Variants in ERBB2 observed in about 807,000 individuals in gnomAD.
The protein encoded by ERBB2 is erb-b2 receptor tyrosine kinase 2, also known as receptor tyrosine-protein kinase erbB-2.
In ERBB2, 61 loss-of-function variants were observed where a neutral mutation model predicts 149.0. The ratio of observed to expected loss-of-function variants is 0.41; its 90% CI spans 0.33 to 0.51. The LOEUF (loss-of-function observed/expected upper bound fraction) is 0.51, where lower values mean the gene tolerates loss of function less well. Among genes scored for constraint, ERBB2 ranks in the 20% least tolerant of loss-of-function variants. ERBB2 has a pLI of 0.25. For missense variants in ERBB2, 1,205 were observed against 1,655.1 expected (o/e 0.73, Z 4.72); for synonymous variants, 633 against 678.8 (o/e 0.93, Z 1.05).
upstream of ERBB2, among the ~76,000 whole-genome samples, chr17:39,691,128 G>A (rs1379735412): frequency 1.3e-5 from 2 of 152,108 alleles, no homozygotes; most frequent in Non-Finnish European, 2.9e-5. Flanking sequence ...TACAATGTGG[G>A]TTCCTTATTC....
At chr17:39,692,522 C>T (rs937634662), upstream of ERBB2, among the ~76,000 whole-genome samples, 5 of 151,746 alleles carry the variant, frequency 3.3e-5, no homozygotes, top group Admixed American at 6.6e-5. Context: ...TCTGCTGCCT[C>T]AGCCTCCTGA....
chr17:39,725,011 C>G lies in ERBB2; in HGVS notation c.2494-38C>G, dbSNP rs781182654. On this transcript the variant is annotated intron_variant, in intron 20 of 26. Coordinates refer to ENST00000269571, the MANE Select transcript of ERBB2 (RefSeq NM_004448.4). The surrounding 1 kb of genome is among the most constrained non-coding windows in gnomAD (Gnocchi z 4.6). Reference sequence around the variant, plus strand: ...TGCTGGGCATGTGGCCAGGCCCAGGCCCTCCCAGAAGGTCTACATGGGTGC... The same window carrying G: ...TGCTGGGCATGTGGCCAGGCCCAGGGCCTCCCAGAAGGTCTACATGGGTGC... 6.2e-7 allele frequency: 1 copy of G among 1,612,194 alleles called. No individual in the cohort carries two copies. Among genetic ancestry groups the G allele is most frequent in the Non-Finnish European group, 8.5e-7 (1 of 1,178,654 alleles).
chr17:39,699,343 C>T (rs1355114876), upstream of ERBB2, among the ~76,000 whole-genome samples: 1 of 152,020 alleles, frequency 6.6e-6, no homozygotes. Context: ...TGCCTGTAAT[C>T]CCAGCTGCTC....
At position 39,723,436 on chromosome 17, in the gene ERBB2, G is replaced by C. The variant is rs2145806723; in HGVS notation, c.2064G>C (p.Arg688=). 1 of 1,614,220 alleles carries C rather than the reference G, an allele frequency of 6.2e-7. No individual in the cohort carries two copies. The highest frequency in any genetic ancestry group is 2.2e-5 in the East Asian group (1 of 44,880). The change falls in exon 17 of 27, where the codon CGG becomes CGC. Residue 688 remains arginine (R), a synonymous_variant. Coordinates refer to ENST00000269571, the MANE Select transcript of ERBB2 (RefSeq NM_004448.4). The surrounding 1 kb of genome is among the most constrained non-coding windows in gnomAD (Gnocchi z 6.2). ...RQQKIRKYTM[R]RLLQETELVE... The stretch of plus-strand genomic sequence containing the variant: ...AGAAGATCCGGAAGTACACGATGCG[G>C]AGACTGCTGCAGGAAACGGAGGTGA...
chr17:39,688,596 C>CTCA (rs1184077462), intron 1 of ERBB2: 1 of 152,530 alleles, frequency 6.6e-6, no homozygotes, highest in African/African-American at 2.4e-5. Context: ...ACTGGTCTCC[C>CTCA]TCACTCCCTT....
At chr17:39,694,829 G>A (rs1366015966), upstream of ERBB2, 3 of 152,338 alleles carry the variant, frequency 2.0e-5, no homozygotes, top group Non-Finnish European at 4.4e-5. Flanking sequence ...CGGGCAGGAA[G>A]ACTTAGTGCT....
chr17:39,723,521 C>T lies in ERBB2; in HGVS notation c.2086-17C>T. On this transcript the variant is annotated splice_polypyrimidine_tract_variant and intron_variant, in intron 17 of 26. Transcript: ENST00000269571. The surrounding 1 kb of genome is among the most constrained non-coding windows in gnomAD (Gnocchi z 6.2). ...TGCACCGGCCCCCGGCACTGACCCA[C>T]CACCCCCTCACCCCAGCTGGTGGAG... is the stretch of plus-strand genomic sequence containing the variant. 2 of 1,612,946 alleles carry T rather than the reference C, an allele frequency of 1.2e-6. No individual in the cohort carries two copies. Among genetic ancestry groups the T allele is most frequent in the Non-Finnish European group, 1.7e-6 (2 of 1,179,522 alleles).
In ERBB2 at chr17:39,728,432, CTG is replaced by C. The variant is rs2059895144; in HGVS notation, c.*390_*391del. On this transcript the variant is annotated 3_prime_UTR_variant, in exon 27 of 27. Transcript: ENST00000269571. ...AGAACAAAAGCGACCCATTCAGAGA[CTG>C]TCCCTGAAACCTAGTACTGCCCCCC... 1 of 264,184 alleles carries C rather than the reference CTG, an allele frequency of 3.8e-6. No homozygotes were observed. The highest frequency in any genetic ancestry group is 7.2e-6 in the Non-Finnish European group (1 of 138,916). The allele number at this position is 264,184 out of a possible 1,614,324, so 16.4% of individuals were successfully genotyped here.
chr17:39,697,747 G>A (rs1239858570), upstream of ERBB2, among the ~76,000 whole-genome samples: 2 of 151,884 alleles, frequency 1.3e-5, no homozygotes, highest in African/African-American at 4.8e-5. Flanking sequence ...AGGCTGGAGT[G>A]CAGTGGCAAG....
At position 39,725,848 on chromosome 17, in the gene ERBB2, T is replaced by G. The variant is rs2143078272; in HGVS notation, c.2867T>G (p.Val956Gly). ...ACCATTGATGTCTACATGATCATGGTCAAATGTGCGTGGCTGAGCTGTGCT... is the reference window on the plus strand; with the variant it reads ...ACCATTGATGTCTACATGATCATGGGCAAATGTGCGTGGCTGAGCTGTGCT... ...ICTIDVYMIM[V>G]KCWMIDSECR... The change falls in exon 23 of 27, where the codon GTC becomes GGC. Residue 956 changes from valine to glycine, a missense_variant. Around this residue, in one of 6 missense-constraint regions of ERBB2, gnomAD observed 63 missense variants for 74.2 expected, o/e 0.85. Transcript: ENST00000269571. This position sits in a 1 kb window ranked among gnomAD's most constrained non-coding sequence, Gnocchi z 4.6. 6.2e-7 allele frequency: 1 copy of G among 1,613,626 alleles called. No individual in the cohort carries two copies. The highest frequency in any genetic ancestry group is 8.5e-7 in the Non-Finnish European group (1 of 1,179,852).
Position 39,708,648 on chromosome 17 carries a change from G to A in ERBB2, c.439+114G>A, listed in dbSNP as rs1473138484. ...GAAATGGTGTCCCTTCTGGGCAGAC[G>A]CAGGCAGAGCCCGGGAAGACGCCCT... On this transcript the variant is annotated intron_variant, in intron 3 of 26. Coordinates refer to ENST00000269571, the MANE Select transcript of ERBB2 (RefSeq NM_004448.4). The A allele has an allele frequency of 2.7e-5, 21 of 776,978 alleles. 1 individual carries two copies. Among genetic ancestry groups the A allele is most frequent in the South Asian group, 1.9e-4 (11 of 58,012 alleles). The allele number at this position is 776,978 out of a possible 1,614,324, so 48.1% of individuals were successfully genotyped here. A position where few individuals can be genotyped will look rare whatever the true frequency, so the allele number is the denominator to read the frequency against.
At chr17:39,701,919 G>A (rs1170142129) in intron 1 of ERBB2, among the ~76,000 whole-genome samples, 1 of 152,108 alleles carries the variant, frequency 6.6e-6, no homozygotes. Flanking sequence ...GAAGGGTGAG[G>A]CCATACTGAG....
chr17:39,724,911 G>A lies in ERBB2; in HGVS notation c.2493G>A (p.Lys831=), dbSNP rs2145854337. 1.2e-6 allele frequency: 2 copies of A among 1,613,784 alleles called. No individual in the cohort carries two copies. Among genetic ancestry groups the A allele is most frequent in the Non-Finnish European group, 1.7e-6 (2 of 1,179,708 alleles). Residue 831 remains lysine (K), a splice_region_variant and synonymous_variant, in exon 20 of 27, where the codon AAG becomes AAA. Transcript: ENST00000269571. The stretch of plus-strand genomic sequence containing the variant: ...TGAACTGGTGTATGCAGATTGCCAA[G>A]GTATGCACCTGGGCTCTTTGCAGGT... ...DLLNWCMQIA[K]GMSYLEDVRL... is the part of the protein sequence containing the mutation.
rs754742686 is a variant in ERBB2 at position 39,707,108 on chromosome 17, C to T, written c.192C>T (p.Tyr64=). The T allele has an allele frequency of 1.4e-5, 22 of 1,600,578 alleles. No homozygotes were observed. The East Asian group carries it at 1.8e-4, about 13-fold the overall frequency. ...QVVQGNLELT[Y]LPTNASLSFL... ...TGCAGGGAAACCTGGAACTCACCTA[C>T]CTGCCCACCAATGCCAGCCTGTCCT... Residue 64 remains tyrosine, a synonymous_variant, in exon 2 of 27, where the codon TAC becomes TAT. Coordinates refer to ENST00000269571, the MANE Select transcript of ERBB2 (RefSeq NM_004448.4).
Position 39,725,119 on chromosome 17 carries a change from G to A in ERBB2, c.2564G>A (p.Ser855Asn), listed in dbSNP as rs2145864946. The change falls in exon 21 of 27, where the codon AGT becomes AAT. Residue 855 changes from serine to asparagine, a missense_variant. Ser to Asn is a conservative substitution (Grantham distance 46). Transcript: ENST00000269571. This position sits in a 1 kb window ranked among gnomAD's most constrained non-coding sequence, Gnocchi z 4.6. ...GCCGCTCGGAACGTGCTGGTCAAGAGTCCCAACCATGTCAAAATTACAGAC... is the reference window on the plus strand; with the variant it reads ...GCCGCTCGGAACGTGCTGGTCAAGAATCCCAACCATGTCAAAATTACAGAC... ...DLAARNVLVK[S>N]PNHVKITDFG... The A allele has an allele frequency of 1.2e-6, 2 of 1,614,174 alleles. No individual in the cohort carries two copies. Among genetic ancestry groups the A allele is most frequent in the Non-Finnish European group, 8.5e-7 (1 of 1,180,038 alleles).
chr17:39,709,419 C>G lies in ERBB2; in HGVS notation c.541C>G (p.Leu181Val), dbSNP rs2145475779. The change falls in exon 4 of 27, where the codon CTC (leucine) becomes GTC (valine). Residue 181 changes from leucine (L) to valine (V), a missense_variant. By Grantham distance (32) the Leu-to-Val change is conservative. This residue lies in a region of ERBB2 where 569 missense variants were observed against 803.5 expected (regional missense o/e 0.71). Coordinates refer to ENST00000269571, the MANE Select transcript of ERBB2 (RefSeq NM_004448.4). ...DIFHKNNQLA[L>V]TLIDTNRSRA... ...CTTCCACAAGAACAACCAGCTGGCT[C>G]TCACACTGATAGACACCAACCGCTC... 1 of 1,614,078 alleles carries G rather than the reference C, an allele frequency of 6.2e-7. No individual in the cohort carries two copies. The highest frequency in any genetic ancestry group is 8.5e-7 in the Non-Finnish European group (1 of 1,179,948).
chr17:39,707,656 G>C (rs1597860832), intron 2 of ERBB2: 4 of 153,280 alleles, frequency 2.6e-5, no homozygotes, highest in South Asian at 4.1e-4. Flanking sequence ...CCAACCTGCT[G>C]GATCGTGTCC....
In ERBB2 at chr17:39,724,768, C is replaced by T. The variant is rs968832437; in HGVS notation, c.2350C>T (p.Arg784Cys). 6.2e-7 allele frequency: 1 copy of T among 1,614,192 alleles called. No individual in the cohort carries two copies. Among genetic ancestry groups the T allele is most frequent in the African/African-American group, 1.3e-5 (1 of 75,050 alleles). The change falls in exon 20 of 27, where the codon CGC (arginine) becomes TGC (cysteine). Residue 784 changes from arginine to cysteine, a missense_variant. Arg to Cys is a radical substitution (Grantham distance 180). This residue lies in a region of ERBB2 where 152 missense variants were observed against 318.1 expected (regional missense o/e 0.48). Transcript: ENST00000269571. ...MAGVGSPYVS[R>C]LLGICLTSTV... ...TGGTGTGGGCTCCCCATATGTCTCC[C>T]GCCTTCTGGGCATCTGCCTGACATC...
At chr17:39,708,722 C>T (rs1026832556) in intron 3 of ERBB2, among the ~76,000 whole-genome samples, 188 bp downstream of exon 3, 6 of 152,160 alleles carry the variant, frequency 3.9e-5, no homozygotes, top group African/African-American at 1.4e-4. Flanking sequence ...TTGTAGCTTG[C>T]GTCAGCACAT....
Sources: gnomAD v4.1 joint callset for allele counts (sites outside exome capture counted in the v4.1 genomes callset) on GRCh38, gnomAD v4.1.1 for gene constraint, gnomAD v4.1.1 regional missense constraint, Gnocchi (gnomAD v3.1) non-coding constraint, MANE v1.5 for transcripts, NCBI Gene and HGNC (gene_info 2026-07-23, HGNC 2026-07-21) for gene names.